MIPEP: variants seen among roughly 807,000 people sequenced by gnomAD.
The protein encoded by MIPEP is mitochondrial intermediate peptidase.
Under a neutral mutation model 90.3 loss-of-function variants are expected in MIPEP, and 79 were observed. The ratio of observed to expected loss-of-function variants is 0.87; its 90% CI spans 0.73 to 1.05. MIPEP has a LOEUF of 1.05. Ranked by LOEUF, MIPEP falls within the 50% of genes least tolerant of loss-of-function variation. The probability of loss-of-function intolerance (pLI) is 0.00; values close to 1 mark genes in which losing one functional copy is unlikely to be tolerated. For synonymous variants in MIPEP, 334 were observed against 315.8 expected (o/e 1.06, Z -0.61); for missense variants, 940 against 905.6 (o/e 1.04, Z -0.49).
intron 5 of MIPEP, among the ~76,000 whole-genome samples, chr13:23,870,622 T>C (rs1197769741): frequency 1.3e-5 from 2 of 152,034 alleles, no homozygotes; most frequent in Admixed American, 6.5e-5. Context: ...CTGGCCAACA[T>C]GGTGAAATCC....
chr13:23,738,371 C>CAATT (rs1405398836), intron 18 of MIPEP, among the ~76,000 whole-genome samples: 1 of 151,398 alleles, frequency 6.6e-6, no homozygotes, highest in African/African-American at 2.4e-5. Flanking sequence ...TGGCCCAAGA[C>CAATT]AATTCTTCTT....
In MIPEP at chr13:23,831,390, G is replaced by A. The variant is rs867887803; in HGVS notation, c.1653+4850C>T. Among the ~76,000 whole-genome samples, 16 of 99,208 alleles carry A rather than the reference G, an allele frequency of 1.6e-4. 1 individual carries two copies. Among genetic ancestry groups the A allele is most frequent in the Admixed American group, 1.6e-3 (16 of 10,280 alleles). 65.1% of individuals were successfully genotyped at this position (99,208 alleles called of 152,430 possible). A position where few individuals can be genotyped will look rare whatever the true frequency, so the allele number is the denominator to read the frequency against. On this transcript the variant is annotated intron_variant, in intron 14 of 18. Transcript: ENST00000382172. ...AGCCTAGCTTCCCCATGGCGGGGGG[G>A]GGATGTGGATGGGAATTGCCTTACT...
At chr13:23,805,133 G>C (rs1454864101) in intron 16 of MIPEP, among the ~76,000 whole-genome samples, 1 of 152,190 alleles carries the variant, frequency 6.6e-6, no homozygotes, top group African/African-American at 2.4e-5. Flanking sequence ...TTCTGTTTAA[G>C]TCCGTGTGAA....
chr13:23,740,591 C>A (rs1040893878), intron 18 of MIPEP, among the ~76,000 whole-genome samples: 1 of 152,118 alleles, frequency 6.6e-6, no homozygotes, highest in African/African-American at 2.4e-5. Context: ...TGATCAAAGA[C>A]CAACTCTGTA....
At chr13:23,747,407 T>C (rs1952394507) in intron 18 of MIPEP, 1 of 363,196 alleles carries the variant, frequency 2.8e-6, no homozygotes, top group African/African-American at 2.1e-5. Flanking sequence ...GGACCCCCTT[T>C]CTTCTAGTGG....
intron 16 of MIPEP, among the ~76,000 whole-genome samples, chr13:23,801,061 A>G (rs368508884): frequency 2.0e-5 from 3 of 152,370 alleles, no homozygotes; most frequent in African/African-American, 7.2e-5. Context: ...AAGCATTATA[A>G]AGACTCTTCG....
At chr13:23,737,610 A>G (rs1480156367) in intron 18 of MIPEP, among the ~76,000 whole-genome samples, 2 of 152,252 alleles carry the variant, frequency 1.3e-5, no homozygotes, top group Non-Finnish European at 2.9e-5. Context: ...GTAATACATA[A>G]TGAACATATA....
intron 18 of MIPEP, among the ~76,000 whole-genome samples, chr13:23,740,528 AC>A (rs918239145): frequency 6.6e-6 from 1 of 151,834 alleles, no homozygotes; most frequent in Non-Finnish European, 1.5e-5. Context: ...AAATCAGTTC[AC>A]CCGTTATTAA....
intron 16 of MIPEP, among the ~76,000 whole-genome samples, chr13:23,802,188 T>G (rs1187405742): frequency 6.6e-6 from 1 of 152,258 alleles, no homozygotes; most frequent in Admixed American, 6.5e-5. Context: ...TAATGTGGTT[T>G]TAATGTGCAT....
chr13:23,818,298 T>C (rs950880371), intron 14 of MIPEP, among the ~76,000 whole-genome samples: 11 of 151,258 alleles, frequency 7.3e-5, no homozygotes, highest in Non-Finnish European at 1.6e-4. Flanking sequence ...CGGGTGCCTG[T>C]AATCCCAGCT....
chr13:23,848,167 A>G (rs775421681), intron 10 of MIPEP, among the ~76,000 whole-genome samples: 1 of 152,208 alleles, frequency 6.6e-6, no homozygotes, highest in Non-Finnish European at 1.5e-5. Flanking sequence ...GGCTCCATTA[A>G]CAATTACAGA....
intron 18 of MIPEP, among the ~76,000 whole-genome samples, chr13:23,742,836 C>T (rs1952345256): frequency 6.6e-6 from 1 of 152,192 alleles, no homozygotes; most frequent in Non-Finnish European, 1.5e-5. Context: ...AAAGGGTCTT[C>T]ACTGGGGTGA....
intron 12 of MIPEP, 101 bp from the exon 13 acceptor site, chr13:23,837,857 G>A (rs533927207): frequency 1.4e-5 from 11 of 809,304 alleles, no homozygotes; most frequent in African/African-American, 3.5e-5. Context: ...ATGTGTGAGT[G>A]CAAACTTTAA....
chr13:23,868,322 C>T (rs1472372107), intron 7 of MIPEP, among the ~76,000 whole-genome samples: 2 of 152,058 alleles, frequency 1.3e-5, no homozygotes, highest in Non-Finnish European at 2.9e-5. Context: ...GCGTGACACG[C>T]CTGTAGCTTA....
intron 18 of MIPEP, among the ~76,000 whole-genome samples, chr13:23,737,218 C>G (rs184412909): frequency 6.6e-6 from 1 of 152,224 alleles, no homozygotes; most frequent in Non-Finnish European, 1.5e-5. Flanking sequence ...CTTCGTCTCA[C>G]AGGGCCGTAG....
intron 15 of MIPEP, among the ~76,000 whole-genome samples, chr13:23,806,599 A>G (rs369332805): frequency 1.3e-5 from 2 of 152,114 alleles, no homozygotes; most frequent in East Asian, 3.9e-4. Context: ...AATGGCGTGA[A>G]CCTGGGAGGC....
At chr13:23,789,410 G>C (rs1952879005) in intron 16 of MIPEP, among the ~76,000 whole-genome samples, 1 of 151,998 alleles carries the variant, frequency 6.6e-6, no homozygotes, top group Admixed American at 6.6e-5. Flanking sequence ...ACTCTATCTG[G>C]AATTTACTTC....
At chr13:23,789,832 T>G (rs1379939808) in intron 16 of MIPEP, among the ~76,000 whole-genome samples, 1 of 152,154 alleles carries the variant, frequency 6.6e-6, no homozygotes, top group Admixed American at 6.5e-5. Flanking sequence ...TCCACTGCGA[T>G]CAGTCTTGAG....
At chr13:23,785,684 G>C (rs1952832340) in intron 16 of MIPEP, among the ~76,000 whole-genome samples, 1 of 151,144 alleles carries the variant, frequency 6.6e-6, no homozygotes, top group Admixed American at 6.6e-5. Flanking sequence ...AAGGGTGTAT[G>C]AGGGACTTCT....
Sources: allele counts gnomAD v4.1 joint callset (sites outside exome capture counted in the v4.1 genomes callset), GRCh38; gene constraint gnomAD v4.1.1; transcripts MANE v1.5; gene names NCBI Gene and HGNC (gene_info 2026-07-23, HGNC 2026-07-21).